The following DLC1 variants were observed in gnomAD, a reference collection of about 807,000 sequenced individuals.
DLC1 encodes DLC1 Rho GTPase activating protein.
A neutral mutation model predicts 140.3 loss-of-function variants in DLC1; 54 were observed. That is an observed-to-expected ratio of 0.38 (90% CI 0.31 to 0.48). The LOEUF (loss-of-function observed/expected upper bound fraction) is 0.48. Ranked by LOEUF, DLC1 falls within the 20% of genes least tolerant of loss-of-function variation. The pLI, the probability that DLC1 is intolerant of heterozygous loss-of-function variation, is 0.96. For missense variants in DLC1, 2,536 were observed against 1,907.0 expected, an observed-to-expected ratio of 1.33 and a Z score of -6.14; for synonymous variants, 986 against 728.1, an observed-to-expected ratio of 1.35 and a Z score of -5.70.
chr8:13,178,423 G>A (rs759999876), intron 5 of DLC1, among the ~76,000 whole-genome samples: 2 of 151,878 alleles, frequency 1.3e-5, no homozygotes, highest in Non-Finnish European at 2.9e-5. Flanking sequence ...TTAGCCAGGC[G>A]TGGTGGCGGG....
chr8:13,552,096 T>C (rs1803879741), intron 1 of DLC1, among the ~76,000 whole-genome samples: 1 of 116,606 alleles, frequency 8.6e-6, no homozygotes, highest in Admixed American at 9.9e-5. Context: ...TATATGTATG[T>C]ACCTGTCTAG....
chr8:13,239,634 A>G (rs2117235313), intron 5 of DLC1, among the ~76,000 whole-genome samples: 1 of 152,336 alleles, frequency 6.6e-6, no homozygotes. Context: ...CAGCTCAGAT[A>G]TACACATATG....
intron 5 of DLC1, among the ~76,000 whole-genome samples, chr8:13,287,291 G>A (rs745744940): frequency 1.3e-5 from 2 of 152,140 alleles, no homozygotes; most frequent in African/African-American, 4.8e-5. Flanking sequence ...GACAGAAATG[G>A]AAAGTAAGCA....
chr8:13,537,767 C>T (rs1482614700), intron 1 of DLC1, among the ~76,000 whole-genome samples: 2 of 151,178 alleles, frequency 1.3e-5, no homozygotes, highest in African/African-American at 4.9e-5. Context: ...CATTCTCCTG[C>T]CTCAGCCTCC....
At chr8:13,160,337 G>A (rs954747256) in intron 5 of DLC1, 1 of 152,218 alleles carries the variant, frequency 6.6e-6, no homozygotes, top group African/African-American at 2.4e-5. Context: ...CTAACTTGAA[G>A]CCATAAACAT....
At chr8:13,353,364 TTCA>T (rs1834767630) in intron 4 of DLC1, 1 of 152,218 alleles carries the variant, frequency 6.6e-6, no homozygotes, top group Non-Finnish European at 1.5e-5. Context: ...TGTAAAAGAC[TTCA>T]CTGTTTGTGT....
intron 4 of DLC1, among the ~76,000 whole-genome samples, chr8:13,376,637 A>G (rs1443682519): frequency 2.6e-5 from 4 of 152,218 alleles, no homozygotes; most frequent in African/African-American, 9.6e-5. Context: ...TTTTGGATTT[A>G]TAAGTAGCAA....
chr8:13,520,111 T>G (rs1802718134), intron 1 of DLC1, among the ~76,000 whole-genome samples: 1 of 152,160 alleles, frequency 6.6e-6, no homozygotes, highest in African/African-American at 2.4e-5. Context: ...GACCCTGCAA[T>G]CCCATTACTG....
chr8:13,121,753 A>G (rs527643746), intron 5 of DLC1, among the ~76,000 whole-genome samples: 2 of 151,886 alleles, frequency 1.3e-5, no homozygotes, highest in South Asian at 2.1e-4. Context: ...GAGTCTCGCT[A>G]TGTTGCCCAG....
chr8:13,538,511 G>C (rs887872219), intron 1 of DLC1, among the ~76,000 whole-genome samples: 1 of 152,018 alleles, frequency 6.6e-6, no homozygotes, highest in African/African-American at 2.4e-5. Context: ...GTCTCCTCTT[G>C]TTCTGTGTGG....
chr8:13,242,216 G>A (rs1001611798), intron 5 of DLC1, among the ~76,000 whole-genome samples: 2 of 151,976 alleles, frequency 1.3e-5, no homozygotes, highest in Non-Finnish European at 2.9e-5. Context: ...TCTAGGGAAG[G>A]CATCTTTCCT....
chr8:13,496,829 T>C (rs10086323), intron 2 of DLC1, among the ~76,000 whole-genome samples: 106,932 of 123,226 alleles, frequency 0.87, 47,325 homozygotes, highest in Non-Finnish European at 0.94. Context: ...GAGATGGAGT[T>C]TCGCTGTGTC....
At chr8:13,336,209 G>A (rs1424620043) in intron 4 of DLC1, among the ~76,000 whole-genome samples, 1 of 151,920 alleles carries the variant, frequency 6.6e-6, no homozygotes, top group African/African-American at 2.4e-5. Context: ...CTCAAGTCTA[G>A]GAAAGTAGAA....
chr8:13,445,604 T>A (rs1479476327), intron 2 of DLC1, among the ~76,000 whole-genome samples: 1 of 152,150 alleles, frequency 6.6e-6, no homozygotes, highest in Non-Finnish European at 1.5e-5. Flanking sequence ...AAAGCCACAG[T>A]AATGAGTGAG....
intron 1 of DLC1, among the ~76,000 whole-genome samples, chr8:13,521,424 T>C (rs62495269): frequency 6.6e-6 from 1 of 151,744 alleles, no homozygotes; most frequent in African/African-American, 2.4e-5. Flanking sequence ...AAAAAAAAGT[T>C]CCCTTGCCAT....
At chr8:13,519,347 C>T (rs970926580), upstream of DLC1, among the ~76,000 whole-genome samples, 1 of 152,100 alleles carries the variant, frequency 6.6e-6, no homozygotes, top group Non-Finnish European at 1.5e-5. Context: ...CCAGGATGGT[C>T]TCGAGCTCCT....
At position 13,430,193 on chromosome 8, in the gene DLC1, C is replaced by A. The variant is rs532584378; in HGVS notation, c.1024-28574G>T. Among the ~76,000 whole-genome samples the A allele has an allele frequency of 2.6e-5, 4 of 152,306 alleles. No individual in the cohort carries two copies. The East Asian group carries it at 7.7e-4, about 29-fold the overall frequency. On this transcript the variant is annotated intron_variant, in intron 2 of 17. Transcript: ENST00000276297. ...TTCTCAAATTGGAGAGCGCATGAGT[C>A]TTCTGGGAGTTTGTTGAAAGGCAAA...
At chr8:13,350,853 C>A (rs939250726) in intron 4 of DLC1, among the ~76,000 whole-genome samples, 11 of 152,074 alleles carry the variant, frequency 7.2e-5, no homozygotes, top group Non-Finnish European at 1.2e-4. Flanking sequence ...GCATAGAAGC[C>A]GCTCTTGAAA....
At chr8:13,570,057 G>A (rs1804592116) in intron 1 of DLC1, among the ~76,000 whole-genome samples, 1 of 152,174 alleles carries the variant, frequency 6.6e-6, no homozygotes, top group Non-Finnish European at 1.5e-5. Context: ...ACACAAATCT[G>A]TTCAAGTAAT....
Sources: gnomAD v4.1 joint callset for allele counts (sites outside exome capture counted in the v4.1 genomes callset) on GRCh38, gnomAD v4.1.1 for gene constraint, MANE v1.5 for transcripts, NCBI Gene and HGNC (gene_info 2026-07-23, HGNC 2026-07-21) for gene names.